The following DACH2 variants were observed in gnomAD, a reference collection of about 807,000 sequenced individuals.
The protein encoded by DACH2 is dachshund family transcription factor 2, also known as dachshund homolog 2.
Under a neutral mutation model 35.8 loss-of-function variants are expected in DACH2, and 17 were observed. The ratio of observed to expected loss-of-function variants is 0.48; its 90% CI spans 0.33 to 0.71. The LOEUF (loss-of-function observed/expected upper bound fraction) is 0.71. Among genes scored for constraint, DACH2 ranks in the 30% least tolerant of loss-of-function variants. DACH2 has a pLI of 0.02. For synonymous variants in DACH2, 195 were observed against 177.3 expected, an observed-to-expected ratio of 1.10 and a Z score of -0.79; for missense variants, 469 against 472.7, an observed-to-expected ratio of 0.99 and a Z score of 0.07.
chrX:86,185,517 C>T (rs899348070), intron 1 of DACH2, among the ~76,000 whole-genome samples: 1 of 111,341 alleles, frequency 9.0e-6, no homozygotes, highest in Non-Finnish European at 1.9e-5. Context: ...GCTAAAGGGT[C>T]TGATTCCTTA....
intron 3 of DACH2, among the ~76,000 whole-genome samples, chrX:86,569,883 A>G (rs1348240948): frequency 8.9e-6 from 1 of 112,059 alleles, no homozygotes; most frequent in Admixed American, 9.5e-5. Context: ...AGGAACTTAA[A>G]CATATTTACA....
intron 1 of DACH2, among the ~76,000 whole-genome samples, chrX:86,271,740 A>C (rs761742280): frequency 8.9e-6 from 1 of 112,023 alleles, no homozygotes; most frequent in Non-Finnish European, 1.9e-5. Flanking sequence ...TGTTACCTTA[A>C]ATTTTATCAT....
intron 1 of DACH2, among the ~76,000 whole-genome samples, chrX:86,183,160 C>A (rs1293040088): frequency 2.7e-5 from 3 of 111,460 alleles, no homozygotes; most frequent in Non-Finnish European, 5.6e-5. Context: ...CTATTTGAAT[C>A]CCCTTTATTT....
intron 3 of DACH2, among the ~76,000 whole-genome samples, chrX:86,528,782 T>G (rs1162389620): frequency 2.7e-5 from 3 of 112,268 alleles, no homozygotes; most frequent in Non-Finnish European, 5.6e-5. Context: ...AATATTTGGT[T>G]TCTGTAGATA....
intron 2 of DACH2, among the ~76,000 whole-genome samples, chrX:86,470,953 C>T (rs932396654): frequency 9.0e-6 from 1 of 110,897 alleles, no homozygotes; most frequent in African/African-American, 3.3e-5. Flanking sequence ...GGCTCAACCC[C>T]CGAAAATATC....
intron 4 of DACH2, among the ~76,000 whole-genome samples, chrX:86,662,296 T>C (rs2040613216): frequency 9.0e-6 from 1 of 111,476 alleles, no homozygotes; most frequent in African/African-American, 3.3e-5. Flanking sequence ...GACAAAGGCA[T>C]GTCTATTTTA....
chrX:86,463,585 T>C (rs939843902), intron 2 of DACH2, among the ~76,000 whole-genome samples: 16 of 111,101 alleles, frequency 1.4e-4, no homozygotes, highest in Admixed American at 2.9e-4. Flanking sequence ...GAAGAAAACC[T>C]GGGCAATACC....
In DACH2 at chrX:86,831,908, T is replaced by C. The variant is rs1372667235; in HGVS notation, c.1751-198T>C. On this transcript the variant is annotated intron_variant, in intron 11 of 11. Transcript: ENST00000373125. ...GCTGTGGAAAGAAGAACAGAAGCTA[T>C]AGCATGAAATTTGAAGGATCTTTGA... 10 of 388,693 alleles carry C rather than the reference T, an allele frequency of 2.6e-5. No homozygotes were observed. The Admixed American group carries it at 4.7e-4, about 18-fold the overall frequency. 32.0% of individuals were successfully genotyped at this position (388,693 alleles called of 1,213,427 possible). A position where few individuals can be genotyped will look rare whatever the true frequency, so the allele number is the denominator to read the frequency against.
chrX:86,714,463 A>G (rs1250743807), intron 5 of DACH2, 85 bp from the exon 6 acceptor site: 1 of 868,462 alleles, frequency 1.2e-6, no homozygotes, highest in African/African-American at 2.0e-5. Flanking sequence ...TTTATAAGAA[A>G]ACTAAGAATG....
At chrX:86,314,016 C>G in intron 1 of DACH2, among the ~76,000 whole-genome samples, 1 of 111,218 alleles carries the variant, frequency 9.0e-6, no homozygotes, top group Non-Finnish European at 1.9e-5. Flanking sequence ...GCACCACAAA[C>G]CATGCCCATG....
intron 1 of DACH2, among the ~76,000 whole-genome samples, chrX:86,295,330 G>C (rs979528978): frequency 7.1e-5 from 8 of 112,130 alleles, no homozygotes; most frequent in East Asian, 5.7e-4. Flanking sequence ...GCACTCCCTA[G>C]TGAGATGAAC....
At chrX:86,177,103 A>C (rs188604175) in intron 1 of DACH2, among the ~76,000 whole-genome samples, 7 of 111,944 alleles carry the variant, frequency 6.3e-5, no homozygotes, top group African/African-American at 2.3e-4. Flanking sequence ...CCTCAAGCAT[A>C]TGTCCTTTCT....
At chrX:86,450,226 C>A (rs998011542) in intron 2 of DACH2, among the ~76,000 whole-genome samples, 1 of 110,608 alleles carries the variant, frequency 9.0e-6, no homozygotes, top group Non-Finnish European at 1.9e-5. Flanking sequence ...CTCCATCCTC[C>A]ATGACCCCCA....
At chrX:86,613,609 C>A (rs1011649052) in intron 3 of DACH2, among the ~76,000 whole-genome samples, 3 of 111,277 alleles carry the variant, frequency 2.7e-5, no homozygotes, top group Non-Finnish European at 5.7e-5. Flanking sequence ...ATCTTCAGTT[C>A]TTCGTTTTGC....
chrX:86,277,464 A>AT (rs1293837782), intron 1 of DACH2, among the ~76,000 whole-genome samples: 50 of 111,251 alleles, frequency 4.5e-4, no homozygotes, highest in East Asian at 2.5e-3. Context: ...TTCTTGCTTT[A>AT]TTTTTTTTGC....
chrX:86,621,142 A>G lies in DACH2; in HGVS notation c.641-29894A>G, dbSNP rs182176356. Reference sequence around the variant, plus strand: ...ACTGAGCTTTGTGGTGATCATTTGTATTTAAAAATACATTGAGTAAAGTCT... The same window carrying G: ...ACTGAGCTTTGTGGTGATCATTTGTGTTTAAAAATACATTGAGTAAAGTCT... On this transcript the variant is annotated intron_variant, in intron 3 of 11. Transcript: ENST00000373125. Among the ~76,000 whole-genome samples the G allele has an allele frequency of 4.5e-5, 5 of 111,960 alleles. No homozygotes were observed. In the East Asian group the frequency reaches 1.4e-3, roughly 31 times the overall value.
intron 3 of DACH2, among the ~76,000 whole-genome samples, chrX:86,641,609 G>A (rs2040347778): frequency 9.0e-6 from 1 of 111,377 alleles, no homozygotes; most frequent in Non-Finnish European, 1.9e-5. Flanking sequence ...GAGAACTTCT[G>A]CAAGATTCTA....
At chrX:86,240,688 C>T (rs1353028409) in intron 1 of DACH2, among the ~76,000 whole-genome samples, 1 of 109,462 alleles carries the variant, frequency 9.1e-6, no homozygotes, top group Non-Finnish European at 1.9e-5. Flanking sequence ...GGCTCTGTGT[C>T]CCCATCCAAA....
intron 4 of DACH2, among the ~76,000 whole-genome samples, chrX:86,667,525 GAA>G (rs763234604): frequency 4.9e-5 from 3 of 60,804 alleles, no homozygotes; most frequent in African/African-American, 2.3e-4. Context: ...AAGAAAGAAA[GAA>G]AGAAAGAAAG....
Sources: allele counts gnomAD v4.1 joint callset (sites outside exome capture counted in the v4.1 genomes callset), GRCh38; gene constraint gnomAD v4.1.1; transcripts MANE v1.5; gene names NCBI Gene and HGNC (gene_info 2026-07-23, HGNC 2026-07-21).